Variants in SUMF1 observed in about 807,000 individuals in gnomAD.
SUMF1 encodes formylglycine-generating enzyme.
In SUMF1, 48 loss-of-function variants were observed where a neutral mutation model predicts 47.6. That is an observed-to-expected ratio of 1.01 (90% CI 0.80 to 1.28). SUMF1 has a LOEUF of 1.28. Among genes scored for constraint, SUMF1 ranks in the 50% most tolerant of loss-of-function variants. SUMF1 has a pLI of 0.00. For missense variants in SUMF1, 571 were observed against 485.4 expected, an observed-to-expected ratio of 1.18 and a Z score of -1.66; for synonymous variants, 230 against 192.1, an observed-to-expected ratio of 1.20 and a Z score of -1.63.
intron 8 of SUMF1, among the ~76,000 whole-genome samples, chr3:4,338,263 G>C (rs755231985): frequency 1.3e-5 from 2 of 150,774 alleles, no homozygotes; most frequent in Non-Finnish European, 2.9e-5. Flanking sequence ...GACAAAGTGA[G>C]ACCCTGTCTC....
intron 8 of SUMF1, among the ~76,000 whole-genome samples, chr3:4,205,155 T>C (rs191350008): frequency 6.6e-6 from 1 of 152,290 alleles, no homozygotes; most frequent in Admixed American, 6.5e-5. Flanking sequence ...GATTTGTTAC[T>C]GCCCCACCTA....
intron 8 of SUMF1, among the ~76,000 whole-genome samples, chr3:4,163,706 C>T (rs922786073): frequency 1.3e-5 from 2 of 151,818 alleles, no homozygotes; most frequent in Admixed American, 6.6e-5. Flanking sequence ...AAAACAACAT[C>T]TGGGTTTCCT....
chr3:4,289,628 T>A (rs983402796), intron 8 of SUMF1, among the ~76,000 whole-genome samples: 1 of 152,180 alleles, frequency 6.6e-6, no homozygotes, highest in Non-Finnish European at 1.5e-5. Context: ...TCACCCTCCA[T>A]CACCCATTAC....
At chr3:4,106,263 G>A (rs377320139) in intron 8 of SUMF1, among the ~76,000 whole-genome samples, 20 of 152,054 alleles carry the variant, frequency 1.3e-4, no homozygotes, top group African/African-American at 4.6e-4. Context: ...GTAGTCATTA[G>A]TAAACATTGG....
intron 8 of SUMF1, among the ~76,000 whole-genome samples, chr3:4,173,777 G>T (rs571009249): frequency 1.3e-5 from 2 of 152,212 alleles, no homozygotes; most frequent in East Asian, 3.9e-4. Flanking sequence ...ACTAACACAG[G>T]AAGAGAAAAT....
chr3:4,413,185 T>C (rs912704358), intron 6 of SUMF1, among the ~76,000 whole-genome samples: 1 of 152,054 alleles, frequency 6.6e-6, no homozygotes, highest in African/African-American at 2.4e-5. Flanking sequence ...TTGGAATTTT[T>C]TGTAGACATG....
intron 8 of SUMF1, among the ~76,000 whole-genome samples, chr3:4,227,212 C>A (rs2629268): frequency 0.26 from 39,953 of 152,010 alleles, 7,167 homozygotes; most frequent in African/African-American, 0.51. Flanking sequence ...CACACACTCT[C>A]ATTTCCTTGA....
chr3:4,431,419 T>C (rs1170297759), intron 3 of SUMF1, among the ~76,000 whole-genome samples: 1 of 152,204 alleles, frequency 6.6e-6, no homozygotes, highest in Non-Finnish European at 1.5e-5. Context: ...TCAGCATGCA[T>C]TCCCCTATTC....
At chr3:4,261,811 C>G (rs985119791) in intron 8 of SUMF1, among the ~76,000 whole-genome samples, 1 of 152,192 alleles carries the variant, frequency 6.6e-6, no homozygotes, top group African/African-American at 2.4e-5. Flanking sequence ...GGCCCCACAA[C>G]TAGTGCCTGC....
chr3:4,331,352 A>T (rs147909817), intron 8 of SUMF1, among the ~76,000 whole-genome samples: 6 of 152,082 alleles, frequency 3.9e-5, no homozygotes, highest in African/African-American at 1.4e-4. Context: ...TCGATGGAGA[A>T]TTTTTTCTCT....
chr3:4,133,617 A>C (rs1041265144), intron 8 of SUMF1, among the ~76,000 whole-genome samples: 20 of 152,048 alleles, frequency 1.3e-4, no homozygotes, highest in Non-Finnish European at 2.2e-4. Flanking sequence ...AAAAATGTGA[A>C]AAGAGAGACT....
At chr3:4,189,875 G>T (rs916002819) in intron 8 of SUMF1, among the ~76,000 whole-genome samples, 9 of 152,132 alleles carry the variant, frequency 5.9e-5, no homozygotes, top group African/African-American at 2.2e-4. Context: ...TCCTCCAACA[G>T]ATTAGCTCAA....
chr3:4,423,960 T>C (rs1440718610), intron 3 of SUMF1, among the ~76,000 whole-genome samples: 5 of 152,304 alleles, frequency 3.3e-5, no homozygotes, highest in African/African-American at 9.6e-5. Flanking sequence ...CAAAAGCTGA[T>C]ACCAGAGCTA....
intron 8 of SUMF1, among the ~76,000 whole-genome samples, chr3:4,281,104 C>T (rs1697520627): frequency 6.6e-6 from 1 of 152,078 alleles, no homozygotes; most frequent in Non-Finnish European, 1.5e-5. Context: ...GGGACTGGGA[C>T]TTCTGGGCGA....
At chr3:4,095,745 A>G (rs1050321126) in intron 8 of SUMF1, among the ~76,000 whole-genome samples, 1 of 152,142 alleles carries the variant, frequency 6.6e-6, no homozygotes. Flanking sequence ...TGTTAACAAA[A>G]AAAATGAATA....
chr3:4,411,503 A>G (rs1701540775), intron 6 of SUMF1, among the ~76,000 whole-genome samples: 1 of 152,150 alleles, frequency 6.6e-6, no homozygotes, highest in Admixed American at 6.6e-5. Context: ...ATTTCTTTTT[A>G]TAAAGAAAAT....
chr3:4,456,743 C>T lies in SUMF1; in HGVS notation c.271-3694G>A, dbSNP rs1489328132. Among the ~76,000 whole-genome samples the T allele has an allele frequency of 6.2e-3, 86 of 13,892 alleles. 1 individual carries two copies. The highest frequency in any genetic ancestry group is 7.4e-3 in the Non-Finnish European group (54 of 7,272). 9.1% of individuals were successfully genotyped at this position (13,892 alleles called of 152,430 possible). On this transcript the variant is annotated intron_variant, in intron 1 of 8. Coordinates refer to ENST00000272902, the MANE Select transcript of SUMF1 (RefSeq NM_182760.4). The stretch of plus-strand genomic sequence containing the variant: ...ATATATATACGTGTGTATATATACA[C>T]ACATATATACGTGTGTGTGTATATA...
chr3:4,401,043 C>A (rs1228264350), intron 7 of SUMF1, among the ~76,000 whole-genome samples: 1 of 149,248 alleles, frequency 6.7e-6, no homozygotes, highest in African/African-American at 2.5e-5. Context: ...CAACTCCCAC[C>A]CATGAGTGAG....
At chr3:4,099,319 T>C (rs1253279466) in intron 8 of SUMF1, among the ~76,000 whole-genome samples, 2 of 152,104 alleles carry the variant, frequency 1.3e-5, no homozygotes, top group Non-Finnish European at 2.9e-5. Flanking sequence ...CATAAATCAA[T>C]AAATGTGATC....
Sources: allele counts gnomAD v4.1 joint callset (sites outside exome capture counted in the v4.1 genomes callset), GRCh38; gene constraint gnomAD v4.1.1; transcripts MANE v1.5; gene names NCBI Gene and HGNC (gene_info 2026-07-23, HGNC 2026-07-21).